The following PCDHA3 variants were observed in gnomAD, a reference collection of about 807,000 sequenced individuals.
The protein encoded by PCDHA3 is protocadherin alpha-3.
A neutral mutation model predicts 62.2 loss-of-function variants in PCDHA3; 41 were observed. The observed-to-expected ratio is 0.66, with a 90% CI of 0.51 to 0.86. The LOEUF (loss-of-function observed/expected upper bound fraction) is 0.86, where lower values mean the gene tolerates loss of function less well. Among genes scored for constraint, PCDHA3 ranks in the 40% least tolerant of loss-of-function variants. The pLI is 0.00. For synonymous variants in PCDHA3, 640 were observed against 555.4 expected (o/e 1.15, Z -2.14); for missense variants, 1,304 against 1,241.2 (o/e 1.05, Z -0.76).
At chr5:140,929,174 G>A (rs782544510) in intron 1 of PCDHA3, 2 of 1,614,140 alleles carry the variant, frequency 1.2e-6, no homozygotes, top group East Asian at 4.5e-5. Context: ...GCCTCTCTGG[G>A]ACTTGGTTCT....
chr5:140,884,488 G>T, intron 1 of PCDHA3: 1 of 1,614,046 alleles, frequency 6.2e-7, no homozygotes, highest in East Asian at 2.2e-5. Context: ...CCACTCTAGT[G>T]TGCTCCAGCG....
chr5:140,830,725 T>C (rs1319417645), intron 1 of PCDHA3: 15 of 221,188 alleles, frequency 6.8e-5, no homozygotes, highest in African/African-American at 2.7e-4. Flanking sequence ...AACCAAAATA[T>C]TCTTGGATAT....
At chr5:140,880,415 G>T (rs1481227492) in intron 1 of PCDHA3, among the ~76,000 whole-genome samples, 1 of 152,202 alleles carries the variant, frequency 6.6e-6, no homozygotes, top group Non-Finnish European at 1.5e-5. Context: ...GACCTTAAAA[G>T]CGGGAACAGT....
chr5:140,872,850 G>A (rs1439631581), intron 1 of PCDHA3, among the ~76,000 whole-genome samples: 2 of 152,084 alleles, frequency 1.3e-5, no homozygotes, highest in East Asian at 3.8e-4. Context: ...ATATATTAAT[G>A]TGAGTACCTA....
chr5:140,803,521 G>T lies in PCDHA3; in HGVS notation c.2324G>T (p.Ser775Ile). The T allele has an allele frequency of 6.2e-7, 1 of 1,614,234 alleles. No homozygotes were observed. Among genetic ancestry groups the T allele is most frequent in the Non-Finnish European group, 8.5e-7 (1 of 1,180,046 alleles). Residue 775 changes from serine to isoleucine, a missense_variant, in exon 1 of 4, where the codon AGC becomes ATC. Coordinates refer to ENST00000522353, the MANE Select transcript of PCDHA3 (RefSeq NM_018906.3). ...PKTDLMAFSP[S>I]LPPCPISRDR... ...ACCGACCTCATGGCTTTTAGCCCTA[G>T]CCTTCCTCCTTGTCCAATTAGCCGG...
chr5:140,806,126 C>T (rs1164363367), intron 1 of PCDHA3, among the ~76,000 whole-genome samples: 1 of 152,108 alleles, frequency 6.6e-6, no homozygotes, highest in African/African-American at 2.4e-5. Flanking sequence ...TGACATTCTT[C>T]ATGGGTCAGG....
intron 1 of PCDHA3, chr5:140,870,530 T>C (rs2052115440): frequency 6.2e-7 from 1 of 1,614,198 alleles, no homozygotes; most frequent in African/African-American, 1.3e-5. Flanking sequence ...ATCTTCACAG[T>C]GTCGGCGCGG....
intron 1 of PCDHA3, chr5:140,822,382 G>C: frequency 6.2e-7 from 1 of 1,614,100 alleles, no homozygotes; most frequent in Non-Finnish European, 8.5e-7. Context: ...AGATAGAGAA[G>C]AAACACAAGA....
chr5:140,975,516 G>T (rs1310855349), intron 1 of PCDHA3, among the ~76,000 whole-genome samples: 1 of 152,166 alleles, frequency 6.6e-6, no homozygotes, highest in Non-Finnish European at 1.5e-5. Flanking sequence ...TGCAAAATCT[G>T]CAGTGGATAT....
Position 140,853,024 on chromosome 5 carries a change from G to A in PCDHA3, c.2394+49433G>A, listed in dbSNP as rs2150527319. On this transcript the variant is annotated intron_variant, in intron 1 of 3. Coordinates refer to ENST00000522353, the MANE Select transcript of PCDHA3 (RefSeq NM_018906.3). ...CTCCCGAGTAGCTGGGACTACAGGC[G>A]CCTGCCACCATGCCCGCCTAATTTT... 4.2e-5 allele frequency: 11 copies of A among 260,054 alleles called. 1 individual carries two copies. The highest frequency in any genetic ancestry group is 2.6e-4 in the African/African-American group (11 of 42,566). 16.1% of individuals were successfully genotyped at this position (260,054 alleles called of 1,614,324 possible).
intron 1 of PCDHA3, chr5:140,875,494 G>A (rs1178647780): frequency 6.2e-7 from 1 of 1,613,020 alleles, no homozygotes; most frequent in Non-Finnish European, 8.5e-7. Context: ...CGGACCAAGA[G>A]GCCCGGGATC....
chr5:140,882,391 C>T, intron 1 of PCDHA3: 2 of 1,614,214 alleles, frequency 1.2e-6, no homozygotes, highest in Non-Finnish European at 8.5e-7. Context: ...AAGCAAAACA[C>T]GGCACCTTCG....
intron 1 of PCDHA3, among the ~76,000 whole-genome samples, chr5:140,923,800 T>C (rs1235494729): frequency 2.0e-5 from 3 of 152,178 alleles, no homozygotes; most frequent in Non-Finnish European, 4.4e-5. Flanking sequence ...TTTTCACAAA[T>C]GAAATCTTCT....
chr5:140,857,015 G>A, intron 1 of PCDHA3: 2 of 1,596,400 alleles, frequency 1.3e-6, no homozygotes, highest in Non-Finnish European at 1.7e-6. Context: ...AGATGTTACA[G>A]ATAAGGGAAA....
chr5:140,953,475 T>C (rs1178172011), intron 1 of PCDHA3, among the ~76,000 whole-genome samples: 3 of 152,140 alleles, frequency 2.0e-5, no homozygotes, highest in African/African-American at 7.2e-5. Context: ...AACTTCCTCA[T>C]GCTGTGTCAC....
In PCDHA3 at chr5:140,805,414, G is replaced by T. The variant is rs940665607; in HGVS notation, c.2394+1823G>T. 2.4e-5 allele frequency: 26 copies of T among 1,064,258 alleles called. No homozygotes were observed. The South Asian group carries it at 3.2e-4, about 13-fold the overall frequency. 65.9% of individuals were successfully genotyped at this position (1,064,258 alleles called of 1,614,324 possible). A position where few individuals can be genotyped will look rare whatever the true frequency, so the allele number is the denominator to read the frequency against. ...TCTGTTTGATTCAGAAATTTGGTGG[G>T]TTTTTTGTTGTTGTTTTGGTTTTTG... On this transcript the variant is annotated intron_variant, in intron 1 of 3. Coordinates refer to ENST00000522353, the MANE Select transcript of PCDHA3 (RefSeq NM_018906.3).
chr5:140,876,524 T>C (rs2056397184), intron 1 of PCDHA3: 1 of 1,614,018 alleles, frequency 6.2e-7, no homozygotes, highest in African/African-American at 1.3e-5. Flanking sequence ...CCTGAAGTAA[T>C]GGTTACTTCA....
chr5:140,807,272 G>A, intron 1 of PCDHA3: 1 of 1,614,228 alleles, frequency 6.2e-7, no homozygotes, highest in Non-Finnish European at 8.5e-7. Flanking sequence ...GGCAGGGAAC[G>A]GTCAGCTCCA....
chr5:140,809,283 A>T, intron 1 of PCDHA3: 1 of 1,614,104 alleles, frequency 6.2e-7, no homozygotes, highest in East Asian at 2.2e-5. Context: ...GTCAACGTAT[A>T]CCTGATCATT....
Sources: allele counts gnomAD v4.1 joint callset (sites outside exome capture counted in the v4.1 genomes callset), GRCh38; gene constraint gnomAD v4.1.1; transcripts MANE v1.5; gene names NCBI Gene and HGNC (gene_info 2026-07-23, HGNC 2026-07-21).